The following PPP2R2B variants were observed in gnomAD, a reference collection of about 807,000 sequenced individuals.
PPP2R2B encodes serine/threonine-protein phosphatase 2A 55 kDa regulatory subunit B beta isoform.
PPP2R2B carries 5 observed loss-of-function variants against 46.0 expected under a neutral mutation model. That is an observed-to-expected ratio of 0.11 (90% CI 0.06 to 0.23). PPP2R2B has a LOEUF of 0.23. PPP2R2B is among the 10% of genes least tolerant of loss of function. The pLI, the probability that PPP2R2B is intolerant of heterozygous loss-of-function variation, is 1.00. For synonymous variants in PPP2R2B, 215 were observed against 206.7 expected (o/e 1.04, Z -0.34); for missense variants, 367 against 575.0 (o/e 0.64, Z 3.70).
intron 1 of PPP2R2B, among the ~76,000 whole-genome samples, chr5:146,897,294 G>A (rs1700705342): frequency 6.6e-6 from 1 of 152,140 alleles, no homozygotes; most frequent in African/African-American, 2.4e-5. Flanking sequence ...GGTGTGAAAA[G>A]GGATTTACCT....
chr5:146,861,904 A>G (rs1223963786), intron 2 of PPP2R2B, among the ~76,000 whole-genome samples: 2 of 148,632 alleles, frequency 1.3e-5, no homozygotes, highest in East Asian at 3.9e-4. Flanking sequence ...CATAGCCAAT[A>G]TTAATAAACT....
At chr5:147,023,162 G>A (rs1473931486) in intron 1 of PPP2R2B, among the ~76,000 whole-genome samples, 6 of 152,050 alleles carry the variant, frequency 3.9e-5, no homozygotes, top group African/African-American at 1.4e-4. Context: ...CAATCAGAAA[G>A]GGAAAGACAT....
intron 1 of PPP2R2B, among the ~76,000 whole-genome samples, chr5:146,987,423 T>G (rs946813807): frequency 7.2e-5 from 11 of 152,028 alleles, no homozygotes; most frequent in African/African-American, 2.7e-4. Context: ...TTACAATGAT[T>G]TGTTAAAAGA....
chr5:146,707,186 A>G, intron 2 of PPP2R2B: 1 of 1,578,590 alleles, frequency 6.3e-7, no homozygotes, highest in Non-Finnish European at 8.6e-7. Context: ...CTGTTGATGT[A>G]GCTCTCGAAT....
At chr5:146,640,931 C>A (rs1335252554) in intron 6 of PPP2R2B, among the ~76,000 whole-genome samples, 3 of 152,168 alleles carry the variant, frequency 2.0e-5, no homozygotes, top group Non-Finnish European at 2.9e-5. Context: ...CAGCCCTCAT[C>A]CCCAAGCCAT....
chr5:147,048,479 C>A (rs907013299), intron 1 of PPP2R2B, among the ~76,000 whole-genome samples: 7 of 152,046 alleles, frequency 4.6e-5, no homozygotes, highest in Admixed American at 6.6e-5. Context: ...AAGTAATGAG[C>A]CTACAATAAA....
intron 5 of PPP2R2B, among the ~76,000 whole-genome samples, chr5:146,666,801 G>A (rs1055604754): frequency 2.6e-5 from 4 of 152,160 alleles, no homozygotes; most frequent in African/African-American, 9.7e-5. Flanking sequence ...GAAGACATGT[G>A]CTTTCTGTTT....
intron 7 of PPP2R2B, among the ~76,000 whole-genome samples, chr5:146,621,870 A>G (rs1044186167): frequency 3.9e-5 from 6 of 152,348 alleles, no homozygotes; most frequent in Middle Eastern, 3.4e-3. Flanking sequence ...AAGGAGAGAC[A>G]GGTTGTACTT....
At chr5:147,006,836 G>T (rs1754460518) in intron 1 of PPP2R2B, among the ~76,000 whole-genome samples, 1 of 151,920 alleles carries the variant, frequency 6.6e-6, no homozygotes, top group Admixed American at 6.6e-5. Context: ...GAAGAGTGTT[G>T]TTTTTACACT....
intron 1 of PPP2R2B, among the ~76,000 whole-genome samples, chr5:147,013,099 C>T (rs1217149636): frequency 6.7e-6 from 1 of 149,578 alleles, no homozygotes; most frequent in Non-Finnish European, 1.5e-5. Flanking sequence ...AACAGACAAA[C>T]AGAGAGCCAA....
intron 9 of PPP2R2B, among the ~76,000 whole-genome samples, chr5:146,592,735 T>C (rs1283325652): frequency 6.6e-6 from 1 of 152,228 alleles, no homozygotes; most frequent in Non-Finnish European, 1.5e-5. Flanking sequence ...GACTTTCTTA[T>C]TAACATTAAG....
intron 1 of PPP2R2B, among the ~76,000 whole-genome samples, chr5:146,979,558 AACACACACACACACACAC>A (rs34864782): frequency 5.1e-5 from 7 of 137,352 alleles, no homozygotes; most frequent in African/African-American, 1.6e-4. Flanking sequence ...CCCACCTTGA[AACACACACACACACACAC>A]ACACACACAC....
upstream of PPP2R2B, among the ~76,000 whole-genome samples, chr5:147,058,786 T>C (rs555259915): frequency 5.3e-5 from 8 of 152,168 alleles, no homozygotes; most frequent in Non-Finnish European, 7.3e-5. Context: ...GTGCTTCTTG[T>C]CTCTTTGATT....
intron 2 of PPP2R2B, among the ~76,000 whole-genome samples, chr5:146,789,689 C>A (rs1756068694): frequency 6.6e-6 from 1 of 151,818 alleles, no homozygotes; most frequent in South Asian, 2.1e-4. Flanking sequence ...GATGGGGGCT[C>A]TGAAGGGAAT....
chr5:146,822,891 T>C (rs1203688584), intron 2 of PPP2R2B, among the ~76,000 whole-genome samples: 1 of 152,186 alleles, frequency 6.6e-6, no homozygotes, highest in African/African-American at 2.4e-5. Context: ...ATAACCTCCT[T>C]AAAACTAAAA....
In PPP2R2B at chr5:147,078,802, C is replaced by T. The variant is rs557171418; in HGVS notation, c.50+2257G>A. ...CAGCCTGGGTGGCAGAGCGAGACTC[C>T]GTCTCAAAAAAAAAAAAAAAAAAAA... is the stretch of plus-strand genomic sequence containing the variant. On this transcript the variant is annotated intron_variant, in intron 2 of 10. Transcript: ENST00000394413. Among the ~76,000 whole-genome samples the T allele has an allele frequency of 8.7e-4, 98 of 112,674 alleles. 2 individuals are homozygous for T. The East Asian group carries it at 0.018, about 20-fold the overall frequency. 73.9% of individuals were successfully genotyped at this position (112,674 alleles called of 152,430 possible).
intron 1 of PPP2R2B, among the ~76,000 whole-genome samples, chr5:146,991,410 AGAG>A (rs1188677105): frequency 1.3e-5 from 2 of 152,150 alleles, no homozygotes; most frequent in African/African-American, 4.8e-5. Flanking sequence ...AGTGATTACC[AGAG>A]GCTAGGGATG....
At chr5:146,767,400 C>T (rs1561890515) in intron 2 of PPP2R2B, among the ~76,000 whole-genome samples, 1 of 152,116 alleles carries the variant, frequency 6.6e-6, no homozygotes, top group Non-Finnish European at 1.5e-5. Context: ...ACTGACTCTG[C>T]AGCTGGTTCT....
chr5:146,786,928 TATA>T (rs766946988), intron 2 of PPP2R2B, among the ~76,000 whole-genome samples: 6 of 152,236 alleles, frequency 3.9e-5, no homozygotes, highest in Middle Eastern at 3.2e-3. Context: ...TATCTATGCT[TATA>T]ATAATTCCAG....
Sources: allele counts gnomAD v4.1 joint callset (sites outside exome capture counted in the v4.1 genomes callset), GRCh38; gene constraint gnomAD v4.1.1; transcripts MANE v1.5; gene names NCBI Gene and HGNC (gene_info 2026-07-23, HGNC 2026-07-21).